PIGK: variants seen among roughly 807,000 people sequenced by gnomAD.
PIGK encodes the protein phosphatidylinositol glycan anchor biosynthesis class K, also known as GPI-anchor transamidase.
In PIGK, 42 loss-of-function variants were observed where a neutral mutation model predicts 50.6. The ratio of observed to expected loss-of-function variants is 0.83; its 90% confidence interval spans 0.65 to 1.07. The LOEUF (loss-of-function observed/expected upper bound fraction) is 1.07, where lower values mean the gene tolerates loss of function less well. Ranked by LOEUF, PIGK falls within the 50% of genes least tolerant of loss-of-function variation. The pLI is 0.00. For missense variants in PIGK, 448 were observed against 488.7 expected, an observed-to-expected ratio of 0.92 and a Z score of 0.78; for synonymous variants, 151 against 156.0, an observed-to-expected ratio of 0.97 and a Z score of 0.24.
intron 10 of PIGK, among the ~76,000 whole-genome samples, chr1:77,109,035 T>C (rs1000482491): frequency 6.6e-6 from 1 of 152,190 alleles, no homozygotes; most frequent in Middle Eastern, 3.4e-3. Flanking sequence ...CCTCAACACA[T>C]ACACCCTCCC....
intron 9 of PIGK, 78 bp from the exon 10 acceptor site, chr1:77,122,437 T>C: frequency 1.3e-6 from 1 of 781,870 alleles, no homozygotes; most frequent in East Asian, 2.6e-5. Context: ...ATATGTCAAA[T>C]ATGAAATATA....
At chr1:77,206,271 A>C (rs569897534) in intron 3 of PIGK, among the ~76,000 whole-genome samples, 61 of 152,144 alleles carry the variant, frequency 4.0e-4, no homozygotes, top group Non-Finnish European at 6.3e-4. Flanking sequence ...CCTTCTCACT[A>C]ATTTGGCAAG....
intron 3 of PIGK, chr1:77,195,378 C>A: frequency 1.7e-6 from 2 of 1,208,174 alleles, no homozygotes; most frequent in Non-Finnish European, 1.2e-6. Context: ...AGGACTACAT[C>A]AGCACGCAGA....
chr1:77,171,634 A>G (rs1347074524), intron 3 of PIGK, among the ~76,000 whole-genome samples: 2 of 151,946 alleles, frequency 1.3e-5, no homozygotes, highest in East Asian at 3.9e-4. Flanking sequence ...AAGCCTCAAT[A>G]TAAGTACTAT....
intron 9 of PIGK, among the ~76,000 whole-genome samples, chr1:77,149,651 A>G (rs1654850023): frequency 6.6e-6 from 1 of 152,158 alleles, no homozygotes; most frequent in African/African-American, 2.4e-5. Flanking sequence ...CAATAATAGT[A>G]TAGCACTTCA....
Position 77,169,415 on chromosome 1 carries a change from T to C in PIGK, c.240-20A>G, listed in dbSNP as rs776254410. 1.3e-6 allele frequency: 2 copies of C among 1,556,516 alleles called. No individual in the cohort carries two copies. Among genetic ancestry groups the C allele is most frequent in the Admixed American group, 3.8e-5 (2 of 52,260 alleles). On this transcript the variant is annotated intron_variant, in intron 3 of 10. Transcript: ENST00000370812. ...ATGTGACTAGGGAAAAAAAATCCAG[T>C]AAATATATAATTTAGATAAAAGGAA...
Position 77,210,400 on chromosome 1 carries a change from TGTGAACAGCAAGGTATACTTTTACA to T in PIGK, c.147+11_147+35del. ...ACAAATTTCTCAGATACATATCTAATGTGAACAGCAAGGTATACTTTTACAGTATACTTACCAGAACAGCCCAGTT... is the reference window on the plus strand; with the variant it reads ...ACAAATTTCTCAGATACATATCTAATGTATACTTACCAGAACAGCCCAGTT... On this transcript the variant is annotated intron_variant, in intron 2 of 10. Transcript: ENST00000370812. 1 of 1,330,102 alleles carries T rather than the reference TGTGAACAGCAAGGTATACTTTTACA, an allele frequency of 7.5e-7. No homozygotes were observed. The highest frequency in any genetic ancestry group is 1.0e-6 in the Non-Finnish European group (1 of 965,192). 82.4% of individuals were successfully genotyped at this position (1,330,102 alleles called of 1,614,324 possible). A position where few individuals can be genotyped will look rare whatever the true frequency, so the allele number is the denominator to read the frequency against.
At chr1:77,201,089 G>C (rs1424717416) in intron 3 of PIGK, among the ~76,000 whole-genome samples, 1 of 152,078 alleles carries the variant, frequency 6.6e-6, no homozygotes, top group African/African-American at 2.4e-5. Flanking sequence ...GTCCTCTTAC[G>C]TATAAGGCCA....
intron 1 of PIGK, among the ~76,000 whole-genome samples, chr1:77,217,826 G>A (rs1056287834): frequency 6.6e-6 from 1 of 152,144 alleles, no homozygotes; most frequent in Admixed American, 6.5e-5. Flanking sequence ...TGCCTTTACT[G>A]TATCTTAGCA....
At chr1:77,134,202 G>GA (rs1654448696) in intron 9 of PIGK, among the ~76,000 whole-genome samples, 1 of 152,168 alleles carries the variant, frequency 6.6e-6, no homozygotes, top group African/African-American at 2.4e-5. Flanking sequence ...GTACCCAAGA[G>GA]AAAAAAGTGG....
chr1:77,195,247 G>GT, intron 3 of PIGK: 1 of 1,263,998 alleles, frequency 7.9e-7, no homozygotes, highest in Non-Finnish European at 1.1e-6. Flanking sequence ...ACCTGCAGCT[G>GT]TGGAGACCTT....
chr1:77,190,905 T>G (rs1162609355), intron 3 of PIGK, among the ~76,000 whole-genome samples: 1 of 152,096 alleles, frequency 6.6e-6, no homozygotes, highest in Non-Finnish European at 1.5e-5. Context: ...CCTTCAAATA[T>G]TCCCCAATGT....
intron 10 of PIGK, among the ~76,000 whole-genome samples, chr1:77,108,731 T>A (rs1361040810): frequency 6.6e-6 from 1 of 152,208 alleles, no homozygotes; most frequent in Non-Finnish European, 1.5e-5. Flanking sequence ...GGTACACCAA[T>A]CAAATGTAGG....
chr1:77,156,046 G>A (rs1655001403), intron 8 of PIGK, among the ~76,000 whole-genome samples: 1 of 151,410 alleles, frequency 6.6e-6, no homozygotes, highest in Middle Eastern at 3.4e-3. Flanking sequence ...AGCAGTACAA[G>A]GAAACACAAA....
rs1275037789 is a variant in PIGK at position 77,146,594 on chromosome 1, G to A, written c.986+7855C>T. Among the ~76,000 whole-genome samples, 4 of 152,186 alleles carry A rather than the reference G, an allele frequency of 2.6e-5. No homozygotes were observed. The South Asian group carries it at 6.2e-4, about 24-fold the overall frequency. ...GTGGATTGCCTGAGCTCAGGAGTTC[G>A]AGGCCAGCCTGGGCAACACGGCGAA... On this transcript the variant is annotated intron_variant, in intron 9 of 10. Coordinates refer to ENST00000370812, the MANE Select transcript of PIGK (RefSeq NM_005482.3).
At chr1:77,188,330 C>G (rs79937013) in intron 3 of PIGK, among the ~76,000 whole-genome samples, 59 of 151,922 alleles carry the variant, frequency 3.9e-4, no homozygotes, top group Non-Finnish European at 6.9e-4. Flanking sequence ...TATAAACAGC[C>G]CCCCCAGGTG....
At chr1:77,118,334 G>A (rs1654023716) in intron 10 of PIGK, among the ~76,000 whole-genome samples, 1 of 151,436 alleles carries the variant, frequency 6.6e-6, no homozygotes, top group Admixed American at 6.6e-5. Context: ...AAAACTCCTG[G>A]GCTCAGGGTA....
intron 10 of PIGK, among the ~76,000 whole-genome samples, chr1:77,106,582 T>C (rs1436331150): frequency 6.6e-6 from 1 of 152,172 alleles, no homozygotes; most frequent in African/African-American, 2.4e-5. Context: ...ACTTTTCCCA[T>C]ACTCTACTTA....
At chr1:77,199,491 A>G (rs1656112943) in intron 3 of PIGK, among the ~76,000 whole-genome samples, 1 of 152,078 alleles carries the variant, frequency 6.6e-6, no homozygotes, top group Admixed American at 6.6e-5. Context: ...ATTATTTACA[A>G]AACTTATTGC....
Sources: allele counts gnomAD v4.1 joint callset (sites outside exome capture counted in the v4.1 genomes callset), GRCh38; gene constraint gnomAD v4.1.1; transcripts MANE v1.5; gene names NCBI Gene and HGNC (gene_info 2026-07-23, HGNC 2026-07-21).